Variants in PHLPP2 observed in about 807,000 individuals in gnomAD.
The protein encoded by PHLPP2 is PH domain and leucine rich repeat protein phosphatase 2.
A neutral mutation model predicts 124.9 loss-of-function variants in PHLPP2; 66 were observed. The observed-to-expected ratio is 0.53, with a 90% CI of 0.43 to 0.65. The LOEUF (loss-of-function observed/expected upper bound fraction) is 0.65. Among genes scored for constraint, PHLPP2 ranks in the 30% least tolerant of loss-of-function variants. The probability of loss-of-function intolerance (pLI) is 0.00; values close to 1 mark genes in which losing one functional copy is unlikely to be tolerated. For synonymous variants in PHLPP2, 681 were observed against 624.7 expected, an observed-to-expected ratio of 1.09 and a Z score of -1.34; for missense variants, 1,685 against 1,600.4, an observed-to-expected ratio of 1.05 and a Z score of -0.90.
At chr16:71,703,318 A>C (rs1407951713) in intron 2 of PHLPP2, among the ~76,000 whole-genome samples, 1 of 152,206 alleles carries the variant, frequency 6.6e-6, no homozygotes, top group Non-Finnish European at 1.5e-5. Flanking sequence ...ATTGATATTT[A>C]CCAAATTAGA....
intron 2 of PHLPP2, among the ~76,000 whole-genome samples, chr16:71,704,307 C>CAAAAAAAAAAAAAAAAAAAAAAAA (rs56882820): frequency 1.0e-5 from 1 of 98,750 alleles, no homozygotes; most frequent in African/African-American, 4.1e-5. Context: ...GACTCTGTCT[C>CAAAAAAAAAAAAAAAAAAAAAAAA]AAAAAAAAAA....
chr16:71,654,575 C>T (rs2044726413), intron 17 of PHLPP2, among the ~76,000 whole-genome samples: 1 of 152,170 alleles, frequency 6.6e-6, no homozygotes, highest in Non-Finnish European at 1.5e-5. Context: ...CAATACAGTG[C>T]CCTGTGTCAC....
Position 71,658,370 on chromosome 16 carries a change from A to C in PHLPP2, c.2149-7T>G, listed in dbSNP as rs762411924. The C allele has an allele frequency of 6.2e-7, 1 of 1,610,738 alleles. No individual in the cohort carries two copies. The highest frequency in any genetic ancestry group is 8.5e-7 in the Non-Finnish European group (1 of 1,178,630). ...TGCAACTTAGGTCTACAAACTAAGA[A>C]AAAATTGAGAAATCAAAAGAAAATA... On this transcript the variant is annotated splice_polypyrimidine_tract_variant and splice_region_variant and intron_variant, in intron 14 of 18. Coordinates refer to ENST00000568954, the MANE Select transcript of PHLPP2 (RefSeq NM_015020.3).
Position 71,681,757 on chromosome 16 carries a change from A to AGT in PHLPP2, c.882_883dup (p.Leu295HisfsTer8). ...AAACCCATTCTCCACATACTTGTAG[A>AGT]GTGTATCGAGGCCTCCGGGTCTTTC... On this transcript the variant is annotated frameshift_variant, in exon 6 of 19. Transcript: ENST00000568954. LOFTEE classifies it high-confidence loss of function. The AGT allele has an allele frequency of 6.2e-7, 1 of 1,612,170 alleles. No individual in the cohort carries two copies. The highest frequency in any genetic ancestry group is 8.5e-7 in the Non-Finnish European group (1 of 1,179,094).
intron 4 of PHLPP2, among the ~76,000 whole-genome samples, chr16:71,685,787 C>G (rs1323612394): frequency 6.6e-6 from 1 of 152,140 alleles, no homozygotes; most frequent in Non-Finnish European, 1.5e-5. Flanking sequence ...AATACTGAGA[C>G]AGATCTGTAA....
rs192480876 is a variant in PHLPP2, at chr16:71,714,774, T to G, written c.22A>C (p.Asn8His). 1.7e-5 allele frequency: 28 copies of G among 1,613,406 alleles called. 1 individual carries two copies. The East Asian group carries it at 5.6e-4, about 32-fold the overall frequency. Reference sequence around the variant, plus strand: ...AACCTACTTCTCCTATTCAAACAATTTCTGCTCCCATTGCGTTTCATATTT... The same window carrying G: ...AACCTACTTCTCCTATTCAAACAATGTCTGCTCCCATTGCGTTTCATATTT... The part of the protein sequence containing the change: MKRNGSR[N>H]CLNRRSRFGS... The change falls in exon 2 of 19, where the codon AAT becomes CAT. Residue 8 changes from asparagine (N) to histidine (H), a missense_variant. By Grantham distance (68) the Asn-to-His change is moderately conservative (BLOSUM62 1). Transcript: ENST00000568954.
rs2044670574 is a variant in PHLPP2, at chr16:71,648,708, C to T, written c.*182G>A. 1 of 589,232 alleles carries T rather than the reference C, an allele frequency of 1.7e-6. No homozygotes were observed. Among genetic ancestry groups the T allele is most frequent in the African/African-American group, 1.9e-5 (1 of 53,748 alleles). The allele number at this position is 589,232 out of a possible 1,614,324, so 36.5% of individuals were successfully genotyped here. ...AATGGCTTGAACCCAGGGACAGAGG[C>T]TGCAGTGACCCGAGACCCCACCATT... On this transcript the variant is annotated 3_prime_UTR_variant, in exon 19 of 19. Coordinates refer to ENST00000568954, the MANE Select transcript of PHLPP2 (RefSeq NM_015020.3).
intron 17 of PHLPP2, 150 bp from the exon 18 acceptor site, chr16:71,653,171 G>C: frequency 1.7e-6 from 1 of 600,768 alleles, no homozygotes; most frequent in South Asian, 2.0e-5. Flanking sequence ...ATGCAGACTT[G>C]CTGTGGCTGA....
At chr16:71,682,194 C>T (rs1201881905) in intron 5 of PHLPP2, among the ~76,000 whole-genome samples, 1 of 146,516 alleles carries the variant, frequency 6.8e-6, no homozygotes, top group Non-Finnish European at 1.5e-5. Flanking sequence ...AAGAAGTAAT[C>T]TTTTTTGTTT....
At chr16:71,712,646 T>C (rs1213593034) in intron 2 of PHLPP2, among the ~76,000 whole-genome samples, 1 of 152,238 alleles carries the variant, frequency 6.6e-6, no homozygotes, top group African/African-American at 2.4e-5. Context: ...GTTTTACAAA[T>C]GGATTTAGCA....
chr16:71,723,787 T>C (rs2045414750), intron 1 of PHLPP2: 3 of 1,312,996 alleles, frequency 2.3e-6, no homozygotes, highest in East Asian at 3.5e-5. Context: ...CCCGGATCCC[T>C]CCCGGCCGGC....
chr16:71,717,389 A>C (rs1266728442), intron 1 of PHLPP2, among the ~76,000 whole-genome samples: 1 of 152,230 alleles, frequency 6.6e-6, no homozygotes, highest in East Asian at 1.9e-4. Context: ...ATCATTTTGC[A>C]GATCTTGGGG....
intron 3 of PHLPP2, among the ~76,000 whole-genome samples, chr16:71,691,171 T>G (rs1349109905): frequency 6.6e-6 from 1 of 152,180 alleles, no homozygotes; most frequent in African/African-American, 2.4e-5. Context: ...TTAAGTAAGA[T>G]GGCCAGCTGC....
In PHLPP2 at chr16:71,648,642, G is replaced by A; in HGVS notation, c.*248C>T. The stretch of plus-strand genomic sequence containing the variant: ...TAAAACTTAGCCGGGCATAATGGCA[G>A]GTGCCTGTAATCCCAGCTACTCGGG... On this transcript the variant is annotated 3_prime_UTR_variant, in exon 19 of 19. Coordinates refer to ENST00000568954, the MANE Select transcript of PHLPP2 (RefSeq NM_015020.3). The A allele has an allele frequency of 4.1e-6, 2 of 482,860 alleles. No homozygotes were observed. The highest frequency in any genetic ancestry group is 7.3e-6 in the Non-Finnish European group (2 of 274,638). The allele number at this position is 482,860 out of a possible 1,614,324, so 29.9% of individuals were successfully genotyped here. A position where few individuals can be genotyped will look rare whatever the true frequency, so the allele number is the denominator to read the frequency against.
intron 2 of PHLPP2, among the ~76,000 whole-genome samples, chr16:71,712,063 C>T (rs772850847): frequency 2.6e-5 from 4 of 152,232 alleles, no homozygotes; most frequent in Non-Finnish European, 5.9e-5. Flanking sequence ...CTCTCAAGGC[C>T]TCAATCTTCC....
chr16:71,711,071 T>C (rs2045320603), intron 2 of PHLPP2, among the ~76,000 whole-genome samples: 1 of 152,234 alleles, frequency 6.6e-6, no homozygotes, highest in Non-Finnish European at 1.5e-5. Context: ...GGCTCATGCC[T>C]GTAATCCCAG....
At position 71,681,793 on chromosome 16, in the gene PHLPP2, A is replaced by C; in HGVS notation, c.848T>G (p.Phe283Cys). ...GCCTCCGGGTCTTTCTAACTGCATG[A>C]AGTTGTGTCGCAAGTTGAGGTAGGT... ...DITYLNLRHN[F>C]MQLERPGGLD... Residue 283 changes from phenylalanine to cysteine, a missense_variant, in exon 6 of 19, where the codon TTC becomes TGC. Phe to Cys is a radical substitution (Grantham distance 205, BLOSUM62 -2). Coordinates refer to ENST00000568954, the MANE Select transcript of PHLPP2 (RefSeq NM_015020.3). 6.2e-7 allele frequency: 1 copy of C among 1,613,980 alleles called. No homozygotes were observed. Among genetic ancestry groups the C allele is most frequent in the Non-Finnish European group, 8.5e-7 (1 of 1,179,944 alleles).
intron 4 of PHLPP2, among the ~76,000 whole-genome samples, chr16:71,690,247 T>C (rs1189243983): frequency 6.6e-6 from 1 of 152,204 alleles, no homozygotes; most frequent in Non-Finnish European, 1.5e-5. Context: ...AGGCAGCTTC[T>C]AATGGTAGCA....
intron 13 of PHLPP2, among the ~76,000 whole-genome samples, chr16:71,660,613 G>C (rs1436340801): frequency 6.6e-6 from 1 of 151,758 alleles, no homozygotes; most frequent in African/African-American, 2.4e-5. Flanking sequence ...TTTTAGTAGA[G>C]ATGGATGGTC....
Sources: allele counts gnomAD v4.1 joint callset (sites outside exome capture counted in the v4.1 genomes callset), GRCh38; gene constraint gnomAD v4.1.1; transcripts MANE v1.5; gene names NCBI Gene and HGNC (gene_info 2026-07-23, HGNC 2026-07-21).